FYB1: variants seen among roughly 807,000 people sequenced by gnomAD.
The protein encoded by FYB1 is FYN binding protein 1, also known as FYN-binding protein 1.
In FYB1, 41 loss-of-function variants were observed where a neutral mutation model predicts 94.1. The ratio of observed to expected loss-of-function variants is 0.44; its 90% confidence interval spans 0.34 to 0.57. FYB1 has a LOEUF of 0.57. FYB1 is among the 20% of genes least tolerant of loss of function. FYB1 has a pLI of 0.02. For synonymous variants in FYB1, 367 were observed against 353.2 expected (o/e 1.04, Z -0.44); for missense variants, 1,050 against 976.8 (o/e 1.07, Z -1.00).
At chr5:39,231,922 G>A (rs1348141957) in intron 1 of FYB1, among the ~76,000 whole-genome samples, 1 of 152,052 alleles carries the variant, frequency 6.6e-6, no homozygotes, top group Non-Finnish European at 1.5e-5. Flanking sequence ...ACTCACTGAA[G>A]TAATAATACA....
intron 1 of FYB1, among the ~76,000 whole-genome samples, chr5:39,258,775 GA>G (rs1002437571): frequency 1.6e-4 from 25 of 151,706 alleles, no homozygotes; most frequent in African/African-American, 5.1e-4. Flanking sequence ...AATATAAAAT[GA>G]AAAAAAATGT....
At chr5:39,257,498 G>A (rs1453833994) in intron 1 of FYB1, among the ~76,000 whole-genome samples, 1 of 147,908 alleles carries the variant, frequency 6.8e-6, no homozygotes, top group Non-Finnish European at 1.5e-5. Flanking sequence ...CAGGCATTAT[G>A]CTGAAGATAT....
chr5:39,110,628 T>C, intron 16 of FYB1: 2 of 412,882 alleles, frequency 4.8e-6, no homozygotes, highest in Non-Finnish European at 8.9e-6. Flanking sequence ...TTTCAACCTT[T>C]CCTCCTTTCC....
chr5:39,273,024 G>C (rs191272809), intron 1 of FYB1, among the ~76,000 whole-genome samples: 1 of 152,156 alleles, frequency 6.6e-6, no homozygotes, highest in Non-Finnish European at 1.5e-5. Flanking sequence ...GAGGGAGGTG[G>C]GGGGCGCCTC....
chr5:39,117,423 T>C (rs754190576), intron 16 of FYB1, among the ~76,000 whole-genome samples: 1 of 152,206 alleles, frequency 6.6e-6, no homozygotes, highest in African/African-American at 2.4e-5. Context: ...TTAGCACTTA[T>C]GGCTATTCCT....
Position 39,233,223 on chromosome 5 carries a change from A to G in FYB1, c.-27-30236T>C, listed in dbSNP as rs544607750. 5.7e-4 allele frequency among the ~76,000 whole-genome samples: 87 copies of G among 152,092 alleles called. 1 individual carries two copies. Among genetic ancestry groups the G allele is most frequent in the Non-Finnish European group, 8.2e-4 (56 of 67,998 alleles). On this transcript the variant is annotated intron_variant, in intron 1 of 1. Transcript: ENST00000510188. ...AGCAAATATTTGGCTGGGCAAATAA[A>G]CGGTTTGGTTTACAAGGAGGAAGTT...
At chr5:39,184,259 A>AT (rs1746537883) in intron 2 of FYB1, among the ~76,000 whole-genome samples, 1 of 152,230 alleles carries the variant, frequency 6.6e-6, no homozygotes, top group African/African-American at 2.4e-5. Context: ...AATCTGAAAT[A>AT]TTTTGAAGTT....
chr5:39,221,668 CCT>C (rs936730646), upstream of FYB1, among the ~76,000 whole-genome samples: 1 of 152,158 alleles, frequency 6.6e-6, no homozygotes, highest in Non-Finnish European at 1.5e-5. Flanking sequence ...TTTTTCTTCT[CCT>C]CTCTGCCAAC....
Position 39,151,184 on chromosome 5 carries a change from C to G in FYB1, c.1292+2264G>C, listed in dbSNP as rs924801099. ...CTCTCAAGCAGCAACATGCTGTCCC[C>G]AATGCCACCCTCACACTCCACCTCC... On this transcript the variant is annotated intron_variant, in intron 3 of 18. Coordinates refer to ENST00000512982, the MANE Select transcript of FYB1 (RefSeq NM_001465.6). Among the ~76,000 whole-genome samples the G allele has an allele frequency of 3.3e-5, 5 of 152,300 alleles. No individual in the cohort carries two copies. In the South Asian group the frequency reaches 6.2e-4, roughly 19 times the overall value.
chr5:39,263,096 T>C (rs1215609411), intron 1 of FYB1, among the ~76,000 whole-genome samples: 2 of 152,166 alleles, frequency 1.3e-5, no homozygotes, highest in Admixed American at 1.3e-4. Flanking sequence ...TGTTTCATAA[T>C]AATTTAAAAA....
chr5:39,165,079 T>C (rs1347595614), intron 2 of FYB1, among the ~76,000 whole-genome samples: 1 of 152,208 alleles, frequency 6.6e-6, no homozygotes, highest in Non-Finnish European at 1.5e-5. Context: ...TCAGTTAAGT[T>C]AAATATTTGC....
At chr5:39,200,043 A>G (rs1186147614) in intron 2 of FYB1, among the ~76,000 whole-genome samples, 1 of 152,196 alleles carries the variant, frequency 6.6e-6, no homozygotes, top group East Asian at 1.9e-4. Flanking sequence ...AGCATAATAC[A>G]TCTCAAGGCA....
chr5:39,210,012 C>T (rs1027917812), intron 1 of FYB1, among the ~76,000 whole-genome samples: 3 of 152,234 alleles, frequency 2.0e-5, no homozygotes, highest in African/African-American at 7.2e-5. Context: ...CCCTCTTCAA[C>T]AGGATGTGGG....
At position 39,234,841 on chromosome 5, in the gene FYB1, G is replaced by A. The variant is rs561122091; in HGVS notation, c.-27-31854C>T. ...TACTCATAAGTGGGAGTTGAACAACGAGAACACATGGACACAGGGAGGGGA... is the reference window on the plus strand; with the variant it reads ...TACTCATAAGTGGGAGTTGAACAACAAGAACACATGGACACAGGGAGGGGA... On this transcript the variant is annotated intron_variant, in intron 1 of 1. Coordinates refer to the FYB1 transcript ENST00000510188. Among the ~76,000 whole-genome samples the A allele has an allele frequency of 5.8e-4, 88 of 152,062 alleles. No individual in the cohort carries two copies. The South Asian group carries it at 0.017, about 30-fold the overall frequency.
chr5:39,131,425 C>T (rs1296566559), intron 9 of FYB1, among the ~76,000 whole-genome samples: 1 of 152,182 alleles, frequency 6.6e-6, no homozygotes, highest in Non-Finnish European at 1.5e-5. Flanking sequence ...CCCCAGTTTT[C>T]TGCCAGCAAC....
chr5:39,242,390 T>C (rs577753053), intron 1 of FYB1, among the ~76,000 whole-genome samples: 1 of 151,186 alleles, frequency 6.6e-6, no homozygotes, highest in Non-Finnish European at 1.5e-5. Flanking sequence ...ACATGTGGTG[T>C]TTGGTTATTT....
intron 1 of FYB1, among the ~76,000 whole-genome samples, chr5:39,252,168 A>T (rs901242544): frequency 1.3e-5 from 2 of 151,938 alleles, no homozygotes; most frequent in Non-Finnish European, 2.9e-5. Context: ...AATAAATAAA[A>T]AATAAAAAAA....
At chr5:39,114,530 G>A (rs375914756) in intron 16 of FYB1, among the ~76,000 whole-genome samples, 1 of 152,170 alleles carries the variant, frequency 6.6e-6, no homozygotes, top group Non-Finnish European at 1.5e-5. Flanking sequence ...GAAGAATGGA[G>A]GGTAAGGATA....
In FYB1 at chr5:39,201,964, C is replaced by T; in HGVS notation, c.997G>A (p.Glu333Lys). The T allele has an allele frequency of 1.2e-6, 2 of 1,614,004 alleles. No homozygotes were observed. Among genetic ancestry groups the T allele is most frequent in the Non-Finnish European group, 1.7e-6 (2 of 1,179,888 alleles). The change falls in exon 2 of 19, where the codon GAA (glutamate) becomes AAA (lysine). Residue 333 changes from glutamate to lysine, a missense_variant. Physicochemically the swap from Glu to Lys is moderately conservative, Grantham distance 56. Transcript: ENST00000512982. Reference protein sequence around the residue: ...GGPWGQSQEKEKGDKNSATPK... With the variant: ...GGPWGQSQEKKKGDKNSATPK... ...GTGGCTGAATTCTTGTCTCCCTTTT[C>T]CTTTTCCTGACTTTGGCCCCATGGC...
Sources: allele counts gnomAD v4.1 joint callset (sites outside exome capture counted in the v4.1 genomes callset), GRCh38; gene constraint gnomAD v4.1.1; transcripts MANE v1.5; gene names NCBI Gene and HGNC (gene_info 2026-07-23, HGNC 2026-07-21).